Variants in PLCB1 observed in about 807,000 individuals in gnomAD.
PLCB1 encodes the protein phospholipase C beta 1.
PLCB1 carries 46 observed loss-of-function variants against 161.8 expected under a neutral mutation model. The ratio of observed to expected loss-of-function variants is 0.28; its 90% CI spans 0.22 to 0.36. The LOEUF is 0.36. PLCB1 is among the 10% of genes least tolerant of loss of function. PLCB1 has a pLI of 1.00. For missense variants in PLCB1, 1,016 were observed against 1,472.5 expected (o/e 0.69, Z 5.07); for synonymous variants, 517 against 503.7 (o/e 1.03, Z -0.35).
intron 10 of PLCB1, among the ~76,000 whole-genome samples, chr20:8,692,966 A>C (rs2123417676): frequency 6.6e-6 from 1 of 152,264 alleles, no homozygotes; most frequent in Non-Finnish European, 1.5e-5. Context: ...TGACTGACTG[A>C]GAAGAATCAA....
At chr20:8,666,977 A>C (rs1989826974) in intron 9 of PLCB1, among the ~76,000 whole-genome samples, 1 of 152,168 alleles carries the variant, frequency 6.6e-6, no homozygotes, top group Non-Finnish European at 1.5e-5. Flanking sequence ...ACTCAGTTTA[A>C]AAACCACTCC....
chr20:8,142,354 A>G (rs138782631), intron 1 of PLCB1, among the ~76,000 whole-genome samples: 29 of 152,334 alleles, frequency 1.9e-4, no homozygotes, highest in African/African-American at 7.0e-4. Flanking sequence ...GAAATCTCCT[A>G]GGGTCCTAAG....
At chr20:8,367,895 T>A (rs888204967) in intron 2 of PLCB1, among the ~76,000 whole-genome samples, 4 of 152,106 alleles carry the variant, frequency 2.6e-5, no homozygotes, top group African/African-American at 9.7e-5. Context: ...CTGTGGTATG[T>A]TAATAGAAGT....
At chr20:8,774,868 C>T in intron 27 of PLCB1, 149 bp downstream of exon 27, 1 of 539,018 alleles carries the variant, frequency 1.9e-6, no homozygotes, top group Non-Finnish European at 3.3e-6. Flanking sequence ...GTCCATCACA[C>T]TATTGTTTTT....
At chr20:8,558,389 A>G (rs1986031438) in intron 3 of PLCB1, among the ~76,000 whole-genome samples, 1 of 151,836 alleles carries the variant, frequency 6.6e-6, no homozygotes, top group Non-Finnish European at 1.5e-5. Context: ...ACCATGGACA[A>G]AGAACTGAAG....
intron 3 of PLCB1, among the ~76,000 whole-genome samples, chr20:8,531,192 A>C (rs1348313596): frequency 6.6e-6 from 1 of 152,082 alleles, no homozygotes; most frequent in Non-Finnish European, 1.5e-5. Context: ...AGGGAAGTAC[A>C]CATTGTTAAC....
chr20:8,879,547 G>A (rs1202581365), intron 31 of PLCB1, among the ~76,000 whole-genome samples: 1 of 152,002 alleles, frequency 6.6e-6, no homozygotes, highest in Admixed American at 6.6e-5. Flanking sequence ...TCATGTATCA[G>A]TATCATCCCA....
intron 2 of PLCB1, among the ~76,000 whole-genome samples, chr20:8,214,965 G>A (rs1979040014): frequency 1.3e-5 from 2 of 152,082 alleles, no homozygotes; most frequent in Admixed American, 6.6e-5. Context: ...TGCAGTTATT[G>A]CTGAAATAGG....
chr20:8,412,033 G>GA (rs987131508), intron 3 of PLCB1, among the ~76,000 whole-genome samples: 5 of 149,196 alleles, frequency 3.4e-5, no homozygotes, highest in African/African-American at 1.2e-4. Flanking sequence ...TCAGAAAAAA[G>GA]AAAAAAAAAG....
intron 5 of PLCB1, among the ~76,000 whole-genome samples, chr20:8,647,291 A>G (rs1989195940): frequency 6.6e-6 from 1 of 152,240 alleles, no homozygotes; most frequent in South Asian, 2.1e-4. Flanking sequence ...AACATGTTTT[A>G]TCTGAAACAT....
chr20:8,407,260 A>C (rs945155474), intron 3 of PLCB1, among the ~76,000 whole-genome samples: 1 of 152,144 alleles, frequency 6.6e-6, no homozygotes, highest in Non-Finnish European at 1.5e-5. Context: ...CTGGAAAAAA[A>C]CTCCCCAGCC....
chr20:8,697,530 C>T, intron 10 of PLCB1, 96 bp from the exon 11 acceptor site: 1 of 1,261,594 alleles, frequency 7.9e-7, no homozygotes, highest in Non-Finnish European at 1.1e-6. Context: ...CTCTTAGACT[C>T]TTTGTTTTCC....
intron 3 of PLCB1, among the ~76,000 whole-genome samples, chr20:8,610,319 T>C (rs1008813952): frequency 1.3e-5 from 2 of 152,192 alleles, no homozygotes; most frequent in Admixed American, 1.3e-4. Flanking sequence ...CAGTACTTCA[T>C]TGCTGTTAAT....
intron 3 of PLCB1, among the ~76,000 whole-genome samples, chr20:8,494,531 A>G (rs1194346694): frequency 6.6e-6 from 1 of 152,200 alleles, no homozygotes; most frequent in Non-Finnish European, 1.5e-5. Flanking sequence ...TAAGTCAGAA[A>G]ACAAAAGCTA....
At chr20:8,432,628 G>A (rs1336984627) in intron 3 of PLCB1, among the ~76,000 whole-genome samples, 20 of 152,186 alleles carry the variant, frequency 1.3e-4, no homozygotes, top group Admixed American at 1.2e-3. Context: ...GTCTGAAGCA[G>A]TATTATTTTT....
intron 2 of PLCB1, among the ~76,000 whole-genome samples, chr20:8,156,656 G>A (rs1161000239): frequency 6.6e-6 from 1 of 152,184 alleles, no homozygotes; most frequent in East Asian, 1.9e-4. Flanking sequence ...TTGAAGCTGT[G>A]ACAGATGTGG....
In PLCB1 at chr20:8,727,414, G is replaced by T. The variant is rs375399298; in HGVS notation, c.1763+21G>T. 7.9e-6 allele frequency: 10 copies of T among 1,272,738 alleles called. No individual in the cohort carries two copies. The African/African-American group carries it at 1.2e-4, about 15-fold the overall frequency. 78.8% of individuals were successfully genotyped at this position (1,272,738 alleles called of 1,614,324 possible). On this transcript the variant is annotated intron_variant, in intron 17 of 31. Transcript: ENST00000338037. Reference sequence around the variant, plus strand: ...GTAGAGTATCCTTGATTTGACGAATGACTGCAGAATGAACACAGCTGAAGT... The same window carrying T: ...GTAGAGTATCCTTGATTTGACGAATTACTGCAGAATGAACACAGCTGAAGT...
chr20:8,306,433 C>T (rs954802147), intron 2 of PLCB1: 2 of 152,194 alleles, frequency 1.3e-5, no homozygotes, highest in South Asian at 2.1e-4. Context: ...AAGAAGGAAA[C>T]TTGTTTCATT....
intron 3 of PLCB1, among the ~76,000 whole-genome samples, chr20:8,451,811 CCTTCTTTCTTCCATCTCCCTCTT>C (rs1046039642): frequency 3.3e-5 from 5 of 151,716 alleles, no homozygotes; most frequent in African/African-American, 9.7e-5. Flanking sequence ...TTCCTTCCTC[CCTTCTTTCTTCCATCTCCCTCTT>C]CTTCTTTCTT....
Sources: allele counts gnomAD v4.1 joint callset (sites outside exome capture counted in the v4.1 genomes callset), GRCh38; gene constraint gnomAD v4.1.1; transcripts MANE v1.5; gene names NCBI Gene and HGNC (gene_info 2026-07-23, HGNC 2026-07-21).